SGK3: variants seen among roughly 807,000 people sequenced by gnomAD.
SGK3 encodes the protein serum/glucocorticoid regulated kinase family member 3, also known as serine/threonine-protein kinase Sgk3.
SGK3 carries 47 observed loss-of-function variants against 68.5 expected under a neutral mutation model. That is an observed-to-expected ratio of 0.69 (90% CI 0.54 to 0.87). The LOEUF is 0.87. Ranked by LOEUF, SGK3 falls within the 40% of genes least tolerant of loss-of-function variation. SGK3 has a pLI of 0.00. For synonymous variants in SGK3, 181 were observed against 189.1 expected (o/e 0.96, Z 0.35); for missense variants, 479 against 575.5 (o/e 0.83, Z 1.72).
intron 1 of SGK3, among the ~76,000 whole-genome samples, chr8:66,785,970 T>G (rs1414090052): frequency 6.6e-6 from 1 of 152,216 alleles, no homozygotes; most frequent in Non-Finnish European, 1.5e-5. Context: ...TACATATATA[T>G]GAATCTCCCA....
At chr8:66,745,189 G>T (rs1805618816) in intron 1 of SGK3, among the ~76,000 whole-genome samples, 1 of 151,622 alleles carries the variant, frequency 6.6e-6, no homozygotes. Flanking sequence ...TTGTTTGTTT[G>T]TTTTCACTTT....
chr8:66,750,724 G>C (rs374421982), intron 1 of SGK3, among the ~76,000 whole-genome samples: 41 of 151,514 alleles, frequency 2.7e-4, no homozygotes, highest in African/African-American at 9.9e-4. Flanking sequence ...AATATGAGGT[G>C]CTGGGTGTGG....
At chr8:66,742,324 A>G (rs1463098871) in intron 1 of SGK3, among the ~76,000 whole-genome samples, 4 of 151,872 alleles carry the variant, frequency 2.6e-5, no homozygotes, top group Non-Finnish European at 5.9e-5. Flanking sequence ...CTGAACACCT[A>G]TCTTCATTTC....
intron 10 of SGK3, among the ~76,000 whole-genome samples, chr8:66,838,893 A>G (rs1318486088): frequency 6.6e-6 from 1 of 152,196 alleles, no homozygotes; most frequent in Non-Finnish European, 1.5e-5. Flanking sequence ...ACTACTTCAT[A>G]TCTTTTTTAG....
chr8:66,830,023 C>G (rs886319352), intron 7 of SGK3, among the ~76,000 whole-genome samples: 2 of 152,062 alleles, frequency 1.3e-5, no homozygotes, highest in Non-Finnish European at 2.9e-5. Flanking sequence ...ACCATCATGC[C>G]CAGCTAATTT....
chr8:66,793,909 C>G (rs956386063), intron 2 of SGK3, 77 bp downstream of exon 2: 2 of 1,430,216 alleles, frequency 1.4e-6, no homozygotes, highest in Non-Finnish European at 1.9e-6. Context: ...TCTTCTCCAA[C>G]CTAGAACACC....
chr8:66,744,537 T>TG (rs1805592195), intron 1 of SGK3, among the ~76,000 whole-genome samples: 1 of 123,704 alleles, frequency 8.1e-6, no homozygotes, highest in African/African-American at 3.0e-5. Context: ...TTTTTTTTTT[T>TG]TTTTTTTTAG....
intron 1 of SGK3, among the ~76,000 whole-genome samples, chr8:66,780,745 GC>G (rs1806939976): frequency 6.6e-6 from 1 of 152,186 alleles, no homozygotes; most frequent in African/African-American, 2.4e-5. Context: ...TAGACTGTCA[GC>G]AATAATCCAC....
At chr8:66,843,035 C>T (rs2130729780) in intron 13 of SGK3, among the ~76,000 whole-genome samples, 1 of 152,266 alleles carries the variant, frequency 6.6e-6, no homozygotes, top group African/African-American at 2.4e-5. Context: ...TGTGCCACTG[C>T]ATTCCAGCTT....
chr8:66,715,405 A>G (rs925468192), intron 1 of SGK3, among the ~76,000 whole-genome samples: 14 of 151,976 alleles, frequency 9.2e-5, no homozygotes, highest in Non-Finnish European at 7.4e-5. Context: ...CTACAGGTGC[A>G]TGCCCCCATA....
chr8:66,740,954 A>G (rs1353013776), intron 1 of SGK3, among the ~76,000 whole-genome samples: 1 of 151,352 alleles, frequency 6.6e-6, no homozygotes, highest in Non-Finnish European at 1.5e-5. Context: ...ACAATGGAGG[A>G]AAAAATTTCC....
chr8:66,817,272 A>C (rs1045926275), intron 5 of SGK3, among the ~76,000 whole-genome samples: 1 of 152,102 alleles, frequency 6.6e-6, no homozygotes, highest in Non-Finnish European at 1.5e-5. Context: ...CTCTACTAAA[A>C]ATACAAAAAT....
chr8:66,713,545 T>C lies in SGK3; in HGVS notation c.-122+712T>C, dbSNP rs547865052. Among the ~76,000 whole-genome samples the C allele has an allele frequency of 3.3e-5, 5 of 152,356 alleles. No individual in the cohort carries two copies. The East Asian group carries it at 7.7e-4, about 23-fold the overall frequency. ...AGTGTGCACTTGGGTGCAAAATAAA[T>C]ACAGAGCACTGTAATTTCTAAATCT... On this transcript the variant is annotated intron_variant, in intron 1 of 16. Coordinates refer to ENST00000521198, the MANE Select transcript of SGK3 (RefSeq NM_001033578.3).
intron 1 of SGK3, among the ~76,000 whole-genome samples, chr8:66,742,413 G>A (rs536818911): frequency 6.6e-6 from 1 of 152,214 alleles, no homozygotes; most frequent in South Asian, 2.1e-4. Context: ...TGTTGCACAG[G>A]CTGGAGTGCA....
intron 16 of SGK3, among the ~76,000 whole-genome samples, chr8:66,857,218 T>C (rs962508138): frequency 6.6e-6 from 1 of 152,152 alleles, no homozygotes; most frequent in South Asian, 2.1e-4. Context: ...ATATAAAACT[T>C]CTAGCATTCT....
intron 16 of SGK3, among the ~76,000 whole-genome samples, chr8:66,853,877 T>C (rs1810397396): frequency 6.6e-6 from 1 of 152,216 alleles, no homozygotes; most frequent in Non-Finnish European, 1.5e-5. Flanking sequence ...TTAATCTTTT[T>C]TTGCTATAAA....
intron 14 of SGK3, among the ~76,000 whole-genome samples, chr8:66,844,017 A>G (rs1010961982): frequency 2.0e-5 from 3 of 150,310 alleles, no homozygotes; most frequent in Non-Finnish European, 4.4e-5. Flanking sequence ...AAAAAAAAAA[A>G]AACCCTTTTT....
At chr8:66,843,422 C>T in intron 13 of SGK3, 30 bp from the exon 14 acceptor site, 1 of 1,589,782 alleles carries the variant, frequency 6.3e-7, no homozygotes, top group Non-Finnish European at 8.6e-7. Flanking sequence ...TGTTTACTGA[C>T]TTGCTCTAAT....
chr8:66,728,485 C>G (rs1013291923), intron 1 of SGK3, among the ~76,000 whole-genome samples: 2 of 152,024 alleles, frequency 1.3e-5, no homozygotes. Context: ...CACCATCACG[C>G]CCAGCTAATT....
Sources: gnomAD v4.1 joint callset for allele counts (sites outside exome capture counted in the v4.1 genomes callset) on GRCh38, gnomAD v4.1.1 for gene constraint, MANE v1.5 for transcripts, NCBI Gene and HGNC (gene_info 2026-07-23, HGNC 2026-07-21) for gene names.